CIB4: variants seen among roughly 807,000 people sequenced by gnomAD.
CIB4 encodes the protein calcium and integrin binding family member 4.
Under a neutral mutation model 25.8 loss-of-function variants are expected in CIB4, and 25 were observed. The ratio of observed to expected loss-of-function variants is 0.97; its 90% confidence interval spans 0.71 to 1.35. The LOEUF (loss-of-function observed/expected upper bound fraction) is 1.35. Among genes scored for constraint, CIB4 ranks in the 40% most tolerant of loss-of-function variants. The pLI is 0.00. For synonymous variants in CIB4, 75 were observed against 81.4 expected (o/e 0.92, Z 0.42); for missense variants, 235 against 228.2 (o/e 1.03, Z -0.19).
intron 3 of CIB4, among the ~76,000 whole-genome samples, chr2:26,611,793 G>A (rs547433590): frequency 2.0e-5 from 3 of 152,178 alleles, no homozygotes; most frequent in South Asian, 2.1e-4. Flanking sequence ...GCAATTATGC[G>A]CCATCAAAAT....
chr2:26,639,631 A>G (rs1026578002), intron 2 of CIB4, among the ~76,000 whole-genome samples: 27 of 152,254 alleles, frequency 1.8e-4, no homozygotes, highest in Non-Finnish European at 1.8e-4. Context: ...AAGGGAAACA[A>G]TGTCACTGGG....
At chr2:26,633,514 G>C (rs1669474255) in intron 2 of CIB4, among the ~76,000 whole-genome samples, 1 of 152,190 alleles carries the variant, frequency 6.6e-6, no homozygotes, top group African/African-American at 2.4e-5. Context: ...CCCCTGGAAA[G>C]TCCTCTCGGG....
At chr2:26,612,217 C>T (rs1669008021) in intron 3 of CIB4, among the ~76,000 whole-genome samples, 1 of 152,182 alleles carries the variant, frequency 6.6e-6, no homozygotes, top group Admixed American at 6.5e-5. Context: ...CAGTGAGGGG[C>T]TGATGTGCAC....
At chr2:26,616,835 T>C (rs1403312347) in intron 3 of CIB4, among the ~76,000 whole-genome samples, 3 of 152,150 alleles carry the variant, frequency 2.0e-5, no homozygotes, top group Non-Finnish European at 2.9e-5. Flanking sequence ...TTGACTTTTA[T>C]CTTCCCGAGA....
chr2:26,608,898 G>A (rs771681049), intron 3 of CIB4, among the ~76,000 whole-genome samples: 2 of 151,934 alleles, frequency 1.3e-5, no homozygotes, highest in Non-Finnish European at 1.5e-5. Flanking sequence ...TTGCTCTCTC[G>A]TCGCTCATGG....
Position 26,595,199 on chromosome 2 carries a change from A to G in CIB4, c.305T>C (p.Ile102Thr). ...FSEQACPSLK[I>T]EYAFRIYDFN... ...ACCATAGATGCGAAAGGCATACTCA[A>G]TCTTCAGGCTTGGGCAGGCCTGCTC... Residue 102 changes from isoleucine to threonine, a missense_variant, in exon 4 of 7, where the codon ATT becomes ACT. Ile to Thr is a moderately conservative substitution (Grantham distance 89). Transcript: ENST00000288861. The G allele has an allele frequency of 6.2e-7, 1 of 1,612,500 alleles. No homozygotes were observed. Among genetic ancestry groups the G allele is most frequent in the South Asian group, 1.1e-5 (1 of 91,038 alleles).
At chr2:26,606,876 A>G in intron 3 of CIB4, among the ~76,000 whole-genome samples, 1 of 152,200 alleles carries the variant, frequency 6.6e-6, no homozygotes, top group East Asian at 1.9e-4. Flanking sequence ...GGGTCAGGCT[A>G]AGGATGTGTC....
intron 3 of CIB4, among the ~76,000 whole-genome samples, chr2:26,613,480 T>A (rs1416968927): frequency 6.6e-6 from 1 of 152,186 alleles, no homozygotes; most frequent in Non-Finnish European, 1.5e-5. Context: ...GGCACAGCCA[T>A]GCCCTCCCTC....
At chr2:26,639,098 C>T (rs1247344100) in intron 2 of CIB4, among the ~76,000 whole-genome samples, 1 of 151,760 alleles carries the variant, frequency 6.6e-6, no homozygotes, top group Non-Finnish European at 1.5e-5. Context: ...TAAGACAAAC[C>T]AACAGTGAGC....
chr2:26,599,178 T>G (rs570089184), intron 3 of CIB4, among the ~76,000 whole-genome samples: 1 of 152,190 alleles, frequency 6.6e-6, no homozygotes. Flanking sequence ...AAGAATAACA[T>G]GTACCCTGGT....
rs574322399 is a variant in CIB4, at chr2:26,581,313, G to A, written c.*50C>T. The A allele has an allele frequency of 1.6e-5, 24 of 1,542,104 alleles. No homozygotes were observed. Among genetic ancestry groups the A allele is most frequent in the East Asian group, 1.3e-4 (6 of 44,508 alleles). On this transcript the variant is annotated 3_prime_UTR_variant, in exon 7 of 7. Coordinates refer to ENST00000288861, the MANE Select transcript of CIB4 (RefSeq NM_001029881.3). ...CTCCCTCCAGTGCTGGAGGGGGTTC[G>A]ATTCCTGTGGTCTCCCTCGAGGCTG...
intron 3 of CIB4, among the ~76,000 whole-genome samples, chr2:26,620,472 G>A (rs945227191): frequency 5.3e-5 from 8 of 152,144 alleles, no homozygotes; most frequent in East Asian, 3.9e-4. Flanking sequence ...GTATAGCAGA[G>A]GCTTTCTCCA....
intron 3 of CIB4, among the ~76,000 whole-genome samples, chr2:26,596,704 G>A (rs980461929): frequency 4.0e-5 from 6 of 150,792 alleles, no homozygotes; most frequent in South Asian, 4.2e-4. Context: ...CCGAGATTGC[G>A]CCATTGCCCT....
chr2:26,595,103 T>G, intron 4 of CIB4, 73 bp downstream of exon 4: 1 of 1,449,268 alleles, frequency 6.9e-7, no homozygotes. Context: ...AATGAACTGA[T>G]GATGGAGTCC....
intron 4 of CIB4, among the ~76,000 whole-genome samples, chr2:26,586,275 G>A (rs1179105224): frequency 6.6e-6 from 1 of 152,096 alleles, no homozygotes; most frequent in Non-Finnish European, 1.5e-5. Flanking sequence ...CTGCCTCCTT[G>A]CTCAGTCAAG....
chr2:26,595,973 A>C (rs1300904298), intron 3 of CIB4, among the ~76,000 whole-genome samples: 2 of 152,230 alleles, frequency 1.3e-5, no homozygotes, highest in African/African-American at 4.8e-5. Context: ...TTGATGTGGT[A>C]GCTGCTGGTA....
At chr2:26,598,683 T>A (rs61120851) in intron 3 of CIB4, among the ~76,000 whole-genome samples, 16,773 of 152,128 alleles carry the variant, frequency 0.11, 1,020 homozygotes, top group Middle Eastern at 0.17. Flanking sequence ...CAGGAGAGTG[T>A]CCCAGGGCTG....
intron 2 of CIB4, among the ~76,000 whole-genome samples, chr2:26,635,674 T>C (rs1037495929): frequency 1.3e-5 from 2 of 152,144 alleles, no homozygotes; most frequent in Admixed American, 1.3e-4. Context: ...AAGCTGGGCA[T>C]CCACATCACA....
At chr2:26,587,999 G>A (rs1668488650) in intron 4 of CIB4, among the ~76,000 whole-genome samples, 1 of 152,218 alleles carries the variant, frequency 6.6e-6, no homozygotes, top group African/African-American at 2.4e-5. Flanking sequence ...CACTCCTCCA[G>A]CAGTGCCCCT....
Sources: gnomAD v4.1 joint callset for allele counts (sites outside exome capture counted in the v4.1 genomes callset) on GRCh38, gnomAD v4.1.1 for gene constraint, MANE v1.5 for transcripts, NCBI Gene and HGNC (gene_info 2026-07-23, HGNC 2026-07-21) for gene names.